The following N4BP2 variants were observed in gnomAD, a reference collection of about 807,000 sequenced individuals.
N4BP2 encodes the protein NEDD4-binding protein 2.
In N4BP2, 91 loss-of-function variants were observed where a neutral mutation model predicts 152.8. The observed-to-expected ratio is 0.60, with a 90% CI of 0.50 to 0.71. The LOEUF (loss-of-function observed/expected upper bound fraction) is 0.71. N4BP2 is among the 30% of genes least tolerant of loss of function. The pLI, the probability that N4BP2 is intolerant of heterozygous loss-of-function variation, is 0.00. For missense variants in N4BP2, 1,923 were observed against 2,059.1 expected (o/e 0.93, Z 1.28); for synonymous variants, 646 against 705.3 (o/e 0.92, Z 1.33).
chr4:40,121,852 G>A lies in N4BP2; in HGVS notation c.3741G>A (p.Lys1247=). 6.2e-7 allele frequency: 1 copy of A among 1,613,860 alleles called. No individual in the cohort carries two copies. The highest frequency in any genetic ancestry group is 8.5e-7 in the Non-Finnish European group (1 of 1,179,932). ...AGGAAGAACTTTTATATAGCAGTAA[G>A]CAGTCCTTTCCAGGTATTCTAAAAG... ...NSQEELLYSS[K]QSFPGILKAT... Residue 1247 remains lysine (K), a synonymous_variant, in exon 9 of 18, where the codon AAG becomes AAA. Coordinates refer to ENST00000261435, the MANE Select transcript of N4BP2 (RefSeq NM_018177.6).
chr4:40,181,494 C>T, the N4BP2 span, among the ~76,000 whole-genome samples: 4 of 152,178 alleles, frequency 2.6e-5, no homozygotes, highest in African/African-American at 9.7e-5. Context: ...CCCTACTGTG[C>T]AAATGAAACT....
At chr4:40,158,703 G>A (rs1721774092), downstream of N4BP2, among the ~76,000 whole-genome samples, 1 of 151,972 alleles carries the variant, frequency 6.6e-6, no homozygotes, top group Admixed American at 6.6e-5. Context: ...AGCCTGGGAG[G>A]TGGAGGTTGC....
intron 5 of N4BP2, among the ~76,000 whole-genome samples, chr4:40,109,064 C>T (rs1716608960): frequency 6.6e-6 from 1 of 151,974 alleles, no homozygotes; most frequent in South Asian, 2.1e-4. Context: ...ATCCACCTAT[C>T]TCAGCCTCCC....
chr4:40,134,058 A>G (rs1485060912), intron 13 of N4BP2, among the ~76,000 whole-genome samples: 3 of 151,840 alleles, frequency 2.0e-5, no homozygotes, highest in South Asian at 2.1e-4. Context: ...TTCTTCCCCT[A>G]TTGGCCTCCC....
At position 40,149,902 on chromosome 4, in the gene N4BP2, G is replaced by GA. The variant is rs534686637; in HGVS notation, c.5144-2862dup. On this transcript the variant is annotated intron_variant, in intron 16 of 17. Coordinates refer to ENST00000261435, the MANE Select transcript of N4BP2 (RefSeq NM_018177.6). ...ACAGAGCGAGACTCCATCTCAAAAA[G>GA]AAAAAAAAAAAAAAAAGAAAGAAAA... Among the ~76,000 whole-genome samples the GA allele has an allele frequency of 0.018, 1,699 of 95,290 alleles. 46 individuals carry two copies. The East Asian group carries it at 0.19, about 10-fold the overall frequency. 62.5% of individuals were successfully genotyped at this position (95,290 alleles called of 152,430 possible).
intron 12 of N4BP2, among the ~76,000 whole-genome samples, chr4:40,126,816 G>A (rs543751070): frequency 6.6e-6 from 1 of 151,948 alleles, no homozygotes; most frequent in African/African-American, 2.4e-5. Context: ...GGAGTACAGT[G>A]GTGTAATCTT....
intron 11 of N4BP2, among the ~76,000 whole-genome samples, chr4:40,124,710 A>T (rs1718236757): frequency 6.6e-6 from 1 of 152,114 alleles, no homozygotes; most frequent in Non-Finnish European, 1.5e-5. Context: ...AGGGGGAAAA[A>T]GCCCCTATAA....
intron 1 of N4BP2, among the ~76,000 whole-genome samples, chr4:40,059,794 G>A (rs1480487880): frequency 1.3e-5 from 2 of 152,142 alleles, no homozygotes; most frequent in African/African-American, 2.4e-5. Flanking sequence ...CACACCAGGT[G>A]CTGTTTTAAG....
Position 40,120,103 on chromosome 4 carries a change from A to T in N4BP2, c.1992A>T (p.Glu664Asp). ...CAGATTTAAACAAAAGAAGAAAAGA[A>T]ATAAGTGATATGAATCCTAGCATTC... ...SNADLNKRRK[E>D]ISDMNPSIQS... The change falls in exon 9 of 18, where the codon GAA becomes GAT. Residue 664 changes from glutamate (E) to aspartate (D), a missense_variant. Glu to Asp is a conservative substitution (Grantham distance 45). Coordinates refer to ENST00000261435, the MANE Select transcript of N4BP2 (RefSeq NM_018177.6). 1 of 1,612,012 alleles carries T rather than the reference A, an allele frequency of 6.2e-7. No individual in the cohort carries two copies. Among genetic ancestry groups the T allele is most frequent in the Non-Finnish European group, 8.5e-7 (1 of 1,179,334 alleles).
At chr4:40,105,239 A>G (rs1464860943) in intron 4 of N4BP2, among the ~76,000 whole-genome samples, 1 of 152,196 alleles carries the variant, frequency 6.6e-6, no homozygotes, top group Admixed American at 6.5e-5. Context: ...TGTGAGGACA[A>G]AAGGGTTTAA....
chr4:40,112,413 G>A (rs1274798981), intron 6 of N4BP2, among the ~76,000 whole-genome samples: 2 of 151,834 alleles, frequency 1.3e-5, no homozygotes, highest in Admixed American at 1.3e-4. Context: ...TTGTTTTTTG[G>A]GGTCTTTTAT....
chr4:40,179,759 C>CTT, the N4BP2 span, among the ~76,000 whole-genome samples: 431 of 109,022 alleles, frequency 4.0e-3, 1 homozygote, highest in Non-Finnish European at 5.1e-3. Context: ...TAAAGCCTTT[C>CTT]TTTTTTTTTT....
At chr4:40,080,398 G>C (rs1326713200) in intron 2 of N4BP2, among the ~76,000 whole-genome samples, 1 of 151,254 alleles carries the variant, frequency 6.6e-6, no homozygotes, top group Non-Finnish European at 1.5e-5. Flanking sequence ...TGCCAGGCTG[G>C]AGTGCAGTGG....
chr4:40,059,509 C>T (rs1320696915), intron 1 of N4BP2, among the ~76,000 whole-genome samples: 2 of 152,002 alleles, frequency 1.3e-5, no homozygotes, highest in African/African-American at 2.4e-5. Flanking sequence ...AACACCACAC[C>T]TGGCTAACTT....
chr4:40,165,201 C>T, the N4BP2 span, among the ~76,000 whole-genome samples: 1 of 151,866 alleles, frequency 6.6e-6, no homozygotes, highest in Admixed American at 6.6e-5. Flanking sequence ...GGTCATATTC[C>T]TGTGATTTTA....
rs140321161 is a variant in N4BP2, at chr4:40,128,404, T to C, written c.4527+2074T>C. ...TAACTAAATTAGAAATATACTGCCA[T>C]TCCCATCTTTGTATCCTAACGCAAT... is the stretch of plus-strand genomic sequence containing the variant. On this transcript the variant is annotated intron_variant, in intron 12 of 17. Coordinates refer to ENST00000261435, the MANE Select transcript of N4BP2 (RefSeq NM_018177.6). Among the ~76,000 whole-genome samples, 99 of 152,330 alleles carry C rather than the reference T, an allele frequency of 6.5e-4. 1 individual carries two copies. The highest frequency in any genetic ancestry group is 2.3e-3 in the African/African-American group (95 of 41,580).
chr4:40,103,045 A>G lies in N4BP2; in HGVS notation c.1200A>G (p.Ser400=). 1 of 1,614,204 alleles carries G rather than the reference A, an allele frequency of 6.2e-7. No individual in the cohort carries two copies. Among genetic ancestry groups the G allele is most frequent in the Non-Finnish European group, 8.5e-7 (1 of 1,180,026 alleles). ...WRSVNYTFPP[S]VISHTSPTKV... is the part of the protein sequence containing the mutation. ...CTGTCAACTACACATTTCCACCCTC[A>G]GTTATTTCTCACACTTCCCCAACAA... The change falls in exon 4 of 18, where the codon TCA becomes TCG. Residue 400 remains serine (S), a synonymous_variant. Coordinates refer to ENST00000261435, the MANE Select transcript of N4BP2 (RefSeq NM_018177.6).
chr4:40,180,154 A>G, the N4BP2 span, among the ~76,000 whole-genome samples: 1 of 152,214 alleles, frequency 6.6e-6, no homozygotes, highest in African/African-American at 2.4e-5. Context: ...CAAATGACTG[A>G]GAGATAATGT....
the N4BP2 span, among the ~76,000 whole-genome samples, chr4:40,183,042 A>G: frequency 8.5e-5 from 13 of 152,200 alleles, no homozygotes; most frequent in South Asian, 1.0e-3. Flanking sequence ...AGGAATGTAT[A>G]AAACCAACCA....
Sources: allele counts gnomAD v4.1 joint callset (sites outside exome capture counted in the v4.1 genomes callset), GRCh38; gene constraint gnomAD v4.1.1; transcripts MANE v1.5; gene names NCBI Gene and HGNC (gene_info 2026-07-23, HGNC 2026-07-21).